The following UGGT1 variants were observed in gnomAD, a reference collection of about 807,000 sequenced individuals.
The protein encoded by UGGT1 is UDP-glucose glycoprotein glucosyltransferase 1.
UGGT1 carries 107 observed loss-of-function variants against 203.9 expected under a neutral mutation model. That is an observed-to-expected ratio of 0.52 (90% CI 0.45 to 0.62). The LOEUF (loss-of-function observed/expected upper bound fraction) is 0.62. UGGT1 is among the 20% of genes least tolerant of loss of function. UGGT1 has a pLI of 0.00. For missense variants in UGGT1, 1,673 were observed against 1,867.2 expected (o/e 0.90, Z 1.92); for synonymous variants, 628 against 653.5 (o/e 0.96, Z 0.59).
At position 128,179,771 on chromosome 2, in the gene UGGT1, G is replaced by C; in HGVS notation, c.3816-15G>C. On this transcript the variant is annotated splice_polypyrimidine_tract_variant and intron_variant, in intron 34 of 40. Coordinates refer to ENST00000259253, the MANE Select transcript of UGGT1 (RefSeq NM_020120.4). ...ATTGGAAAGCTGTTATTAATTACCT[G>C]CTTTTGTTTGGCAGCATAATGATGC... 6.2e-7 allele frequency: 1 copy of C among 1,606,030 alleles called. No individual in the cohort carries two copies. The highest frequency in any genetic ancestry group is 8.5e-7 in the Non-Finnish European group (1 of 1,176,022).
chr2:128,159,443 C>A lies in UGGT1; in HGVS notation c.2356-71C>A, dbSNP rs564728772. 8.4e-5 allele frequency: 115 copies of A among 1,363,968 alleles called. No homozygotes were observed. In the East Asian group the frequency reaches 2.6e-3, roughly 31 times the overall value. 84.5% of individuals were successfully genotyped at this position (1,363,968 alleles called of 1,614,324 possible). A position where few individuals can be genotyped will look rare whatever the true frequency, so the allele number is the denominator to read the frequency against. ...ATTATTTGCTACTTATTGAACATGA[C>A]TGATGTTAATGCTGCTTTTTAAGTT... is the stretch of plus-strand genomic sequence containing the variant. On this transcript the variant is annotated intron_variant, in intron 22 of 40. Coordinates refer to ENST00000259253, the MANE Select transcript of UGGT1 (RefSeq NM_020120.4).
At chr2:128,170,683 A>G (rs191454815) in intron 27 of UGGT1, among the ~76,000 whole-genome samples, 2 of 152,360 alleles carry the variant, frequency 1.3e-5, no homozygotes, top group East Asian at 3.9e-4. Context: ...ATTTTAATTT[A>G]TAATATCAGA....
At position 128,159,673 on chromosome 2, in the gene UGGT1, G is replaced by A. The variant is rs753168753; in HGVS notation, c.2515G>A (p.Ala839Thr). 1.9e-6 allele frequency: 3 copies of A among 1,614,158 alleles called. No homozygotes were observed. The Admixed American group carries it at 5.0e-5, about 27-fold the overall frequency. ...FITKMAKEGA[A>T]EALAAGADIA... ...CACCAAAATGGCCAAGGAGGGGGCT[G>A]CAGAGGCCCTGGCTGCAGGAGCTGA... The change falls in exon 23 of 41, where the codon GCA (alanine) becomes ACA (threonine). Residue 839 changes from alanine to threonine, a missense_variant. By Grantham distance (58) the Ala-to-Thr change is moderately conservative. This residue lies in a region of UGGT1 where 1,073 missense variants were observed against 1,078.7 expected (regional missense o/e 0.99). Transcript: ENST00000259253.
intron 3 of UGGT1, among the ~76,000 whole-genome samples, chr2:128,104,918 A>T (rs1038895796): frequency 7.2e-5 from 11 of 152,192 alleles, no homozygotes; most frequent in African/African-American, 2.7e-4. Context: ...AAGTGCTGGG[A>T]TTACAGGCAT....
chr2:128,126,625 C>G (rs1320120058), intron 11 of UGGT1, among the ~76,000 whole-genome samples: 1 of 150,380 alleles, frequency 6.6e-6, no homozygotes. Context: ...ATGAACCCAT[C>G]TATATTACCA....
intron 30 of UGGT1, among the ~76,000 whole-genome samples, chr2:128,174,453 C>T (rs1407049405): frequency 6.6e-6 from 1 of 152,010 alleles, no homozygotes; most frequent in Non-Finnish European, 1.5e-5. Flanking sequence ...CACCCACCAC[C>T]ATGCCCGGCT....
intron 26 of UGGT1, among the ~76,000 whole-genome samples, chr2:128,167,814 G>A (rs1410398080): frequency 6.6e-6 from 1 of 150,932 alleles, no homozygotes; most frequent in Non-Finnish European, 1.5e-5. Flanking sequence ...CCTTTTTCTT[G>A]TTCTAGAGAT....
At chr2:128,119,910 C>T (rs377120680) in intron 8 of UGGT1, among the ~76,000 whole-genome samples, 6 of 151,610 alleles carry the variant, frequency 4.0e-5, no homozygotes, top group Admixed American at 6.6e-5. Flanking sequence ...CAGGTATAGC[C>T]GAAGTCTCCT....
chr2:128,131,212 G>A (rs540802305), intron 13 of UGGT1, among the ~76,000 whole-genome samples: 1,551 of 135,752 alleles, frequency 0.011, 19 homozygotes, highest in Non-Finnish European at 0.019. Flanking sequence ...CAGCCTGGGC[G>A]ACAGAGTGAG....
chr2:128,185,292 C>T lies in UGGT1; in HGVS notation c.4360-1391C>T, dbSNP rs563248275. 1.8e-3 allele frequency among the ~76,000 whole-genome samples: 275 copies of T among 150,502 alleles called. 1 individual carries two copies. The highest frequency in any genetic ancestry group is 5.2e-3 in the Admixed American group (78 of 15,094). On this transcript the variant is annotated intron_variant, in intron 38 of 40. Transcript: ENST00000259253. ...TCAGCTCACTGCAACCTCAGCCTCC[C>T]GAGCAGGTGGGATTACAGAGGCGTG...
At chr2:128,159,417 T>C in intron 22 of UGGT1, 97 bp from the exon 23 acceptor site, 9 of 1,143,194 alleles carry the variant, frequency 7.9e-6, no homozygotes, top group African/African-American at 1.5e-5. Context: ...TTAAGAGAGA[T>C]ATTATTTGCT....
chr2:128,182,040 C>T, intron 36 of UGGT1, 90 bp from the exon 37 acceptor site: 1 of 1,326,482 alleles, frequency 7.5e-7, no homozygotes, highest in East Asian at 2.3e-5. Flanking sequence ...GCCTTCCATG[C>T]TGCCTTAAGC....
At chr2:128,148,427 A>C (rs1488194555) in intron 18 of UGGT1, among the ~76,000 whole-genome samples, 1 of 152,180 alleles carries the variant, frequency 6.6e-6, no homozygotes. Flanking sequence ...TGGCTTCTGA[A>C]GTTTCAGCTT....
rs967912271 is a variant in UGGT1, at chr2:128,115,296, T to G, written c.793+76T>G. 4 of 1,338,086 alleles carry G rather than the reference T, an allele frequency of 3.0e-6. No individual in the cohort carries two copies. The African/African-American group carries it at 5.8e-5, about 19-fold the overall frequency. The allele number at this position is 1,338,086 out of a possible 1,614,324, so 82.9% of individuals were successfully genotyped here. A position where few individuals can be genotyped will look rare whatever the true frequency, so the allele number is the denominator to read the frequency against. Reference sequence around the variant, plus strand: ...GGGGAGTTTGTTTCCATATGAAAAATAATAGATTTAGGTGTATGCTGAACC... The same window carrying G: ...GGGGAGTTTGTTTCCATATGAAAAAGAATAGATTTAGGTGTATGCTGAACC... On this transcript the variant is annotated intron_variant, in intron 7 of 40. Coordinates refer to ENST00000259253, the MANE Select transcript of UGGT1 (RefSeq NM_020120.4).
chr2:128,096,794 T>C (rs1687134749), intron 1 of UGGT1, among the ~76,000 whole-genome samples: 1 of 152,246 alleles, frequency 6.6e-6, no homozygotes, highest in African/African-American at 2.4e-5. Flanking sequence ...TTTGCTTTCA[T>C]CCTTTATAAA....
Position 128,091,282 on chromosome 2 carries a change from C to T in UGGT1, c.-76C>T. 7.0e-6 allele frequency: 10 copies of T among 1,426,714 alleles called. No homozygotes were observed. Among genetic ancestry groups the T allele is most frequent in the East Asian group, 2.8e-5 (1 of 35,774 alleles). 88.4% of individuals were successfully genotyped at this position (1,426,714 alleles called of 1,614,324 possible). On this transcript the variant is annotated 5_prime_UTR_variant, in exon 1 of 41. Coordinates refer to ENST00000259253, the MANE Select transcript of UGGT1 (RefSeq NM_020120.4). ...GTCGGCCTCTCACTGGCGCAGCCTG[C>T]ACTGCCGCTGCCGCCTCGCCCCGCC... is the stretch of plus-strand genomic sequence containing the variant.
chr2:128,130,338 G>C (rs568609769), intron 13 of UGGT1, among the ~76,000 whole-genome samples: 1 of 151,870 alleles, frequency 6.6e-6, no homozygotes, highest in Admixed American at 6.6e-5. Flanking sequence ...GGTGAGTGGA[G>C]AGCTGATCTT....
intron 12 of UGGT1, among the ~76,000 whole-genome samples, chr2:128,128,648 T>C (rs1432865112): frequency 6.6e-6 from 1 of 152,160 alleles, no homozygotes; most frequent in Non-Finnish European, 1.5e-5. Context: ...CCAGCAAACC[T>C]CTAAGTTGGG....
At chr2:128,184,616 A>G (rs936339491) in intron 38 of UGGT1, among the ~76,000 whole-genome samples, 5 of 152,212 alleles carry the variant, frequency 3.3e-5, no homozygotes, top group African/African-American at 1.2e-4. Flanking sequence ...CATAAACACT[A>G]GTTTAATTTG....
Sources: gnomAD v4.1 joint callset for allele counts (sites outside exome capture counted in the v4.1 genomes callset) on GRCh38, gnomAD v4.1.1 for gene constraint, gnomAD v4.1.1 regional missense constraint, MANE v1.5 for transcripts, NCBI Gene and HGNC (gene_info 2026-07-23, HGNC 2026-07-21) for gene names.